Variants in CDKAL1 observed in about 807,000 individuals in gnomAD.
CDKAL1 encodes CDKAL1 threonylcarbamoyladenosine tRNA methylthiotransferase, also known as threonylcarbamoyladenosine tRNA methylthiotransferase.
A neutral mutation model predicts 68.2 loss-of-function variants in CDKAL1; 32 were observed. The ratio of observed to expected loss-of-function variants is 0.47; its 90% confidence interval spans 0.35 to 0.63. CDKAL1 has a LOEUF of 0.63. CDKAL1 is among the 30% of genes least tolerant of loss of function. The pLI is 0.00. For missense variants in CDKAL1, 606 were observed against 696.7 expected, an observed-to-expected ratio of 0.87 and a Z score of 1.47; for synonymous variants, 234 against 244.3, an observed-to-expected ratio of 0.96 and a Z score of 0.39.
chr6:20,883,377 G>T (rs1225224652), intron 9 of CDKAL1, among the ~76,000 whole-genome samples: 5 of 152,144 alleles, frequency 3.3e-5, no homozygotes, highest in African/African-American at 9.7e-5. Context: ...CCTAAAAATG[G>T]TTCCCAATAT....
rs140766239 is a variant in CDKAL1, at chr6:20,936,923, T to C, written c.743-18496T>C. Among the ~76,000 whole-genome samples, 844 of 152,326 alleles carry C rather than the reference T, an allele frequency of 5.5e-3. 4 individuals are homozygous for C. The highest frequency in any genetic ancestry group is 0.019 in the African/African-American group (791 of 41,576). ...CCTGAAGCTCCTAGAGTCTGTTGGT[T>C]ACCAGAGGTTTCACGTATTCTGAGT... is the stretch of plus-strand genomic sequence containing the variant. On this transcript the variant is annotated intron_variant, in intron 9 of 15. Coordinates refer to ENST00000274695, the MANE Select transcript of CDKAL1 (RefSeq NM_017774.3).
intron 4 of CDKAL1, among the ~76,000 whole-genome samples, chr6:20,612,602 T>C (rs981764889): frequency 1.3e-5 from 2 of 152,170 alleles, no homozygotes; most frequent in African/African-American, 4.8e-5. Context: ...AATTAGATTT[T>C]TTTTTTGCTG....
intron 5 of CDKAL1, among the ~76,000 whole-genome samples, chr6:20,662,873 A>G (rs1769353335): frequency 1.3e-5 from 2 of 152,162 alleles, no homozygotes; most frequent in African/African-American, 4.8e-5. Flanking sequence ...TGCATGTCAT[A>G]GAAAACCTAA....
chr6:21,226,085 C>T (rs958717247), intron 15 of CDKAL1, among the ~76,000 whole-genome samples: 1 of 152,234 alleles, frequency 6.6e-6, no homozygotes, highest in African/African-American at 2.4e-5. Context: ...CGAGGACTTA[C>T]TGCTCCTAGA....
chr6:21,069,192 G>T (rs1473122117), intron 12 of CDKAL1, among the ~76,000 whole-genome samples: 2 of 152,058 alleles, frequency 1.3e-5, no homozygotes, highest in South Asian at 2.1e-4. Context: ...TGGCAAGAAT[G>T]TTCAGTACAC....
At chr6:20,935,653 C>T (rs1377485224) in intron 9 of CDKAL1, among the ~76,000 whole-genome samples, 1 of 152,086 alleles carries the variant, frequency 6.6e-6, no homozygotes, top group East Asian at 1.9e-4. Context: ...TGGTCTCGAA[C>T]TCCTGACCTC....
intron 9 of CDKAL1, among the ~76,000 whole-genome samples, chr6:20,923,786 T>A (rs528637882): frequency 4.6e-5 from 7 of 152,210 alleles, no homozygotes; most frequent in Middle Eastern, 3.4e-3. Context: ...CTGAGGTGGG[T>A]GGATTGCTTG....
chr6:20,894,391 CTTTTTTTTTT>C (rs5874793), intron 9 of CDKAL1, among the ~76,000 whole-genome samples: 1 of 124,092 alleles, frequency 8.1e-6, no homozygotes, highest in Admixed American at 8.4e-5. Flanking sequence ...ACCCCACATA[CTTTTTTTTTT>C]TTTTTTTTTG....
intron 11 of CDKAL1, among the ~76,000 whole-genome samples, chr6:21,024,144 C>CT (rs56141172): frequency 0.11 from 16,250 of 152,204 alleles, 977 homozygotes; most frequent in Middle Eastern, 0.16. Flanking sequence ...TTAGGTTACA[C>CT]TTACTATTAT....
At chr6:20,790,804 TTC>T (rs1352284049) in intron 8 of CDKAL1, among the ~76,000 whole-genome samples, 1 of 152,078 alleles carries the variant, frequency 6.6e-6, no homozygotes, top group Non-Finnish European at 1.5e-5. Flanking sequence ...GTTGGGTGGT[TTC>T]TCTCTCTCTG....
intron 5 of CDKAL1, among the ~76,000 whole-genome samples, chr6:20,729,696 C>T (rs146283760): frequency 6.6e-6 from 1 of 152,284 alleles, no homozygotes; most frequent in Non-Finnish European, 1.5e-5. Flanking sequence ...TTAAGTAATT[C>T]CCCTATGGTT....
chr6:21,130,739 G>A (rs985498841), intron 13 of CDKAL1, among the ~76,000 whole-genome samples: 3 of 152,152 alleles, frequency 2.0e-5, no homozygotes, highest in African/African-American at 7.2e-5. Context: ...CTGGTGGAAA[G>A]CCACAGTAGA....
chr6:21,176,126 T>C (rs1176169344), intron 13 of CDKAL1, among the ~76,000 whole-genome samples: 2 of 152,248 alleles, frequency 1.3e-5, no homozygotes, highest in African/African-American at 4.8e-5. Context: ...ACTATAGTTA[T>C]TTGTTAAGTG....
chr6:20,567,300 AAT>A (rs1387467916), intron 4 of CDKAL1, among the ~76,000 whole-genome samples: 1 of 151,722 alleles, frequency 6.6e-6, no homozygotes, highest in Non-Finnish European at 1.5e-5. Context: ...TTCTCTCTAA[AAT>A]GGTTTATGGA....
chr6:21,084,997 G>A (rs775635077), intron 12 of CDKAL1, among the ~76,000 whole-genome samples: 4 of 152,148 alleles, frequency 2.6e-5, no homozygotes, highest in Non-Finnish European at 5.9e-5. Context: ...GGGTTGAAAA[G>A]GTTATTCATA....
chr6:21,114,118 G>A (rs1260040323), intron 13 of CDKAL1, among the ~76,000 whole-genome samples: 5 of 151,460 alleles, frequency 3.3e-5, no homozygotes, highest in Non-Finnish European at 7.4e-5. Flanking sequence ...CGTGGTGGCC[G>A]GCGCCTGTAG....
chr6:20,842,793 T>C, intron 8 of CDKAL1, among the ~76,000 whole-genome samples: 1 of 152,174 alleles, frequency 6.6e-6, no homozygotes, highest in East Asian at 1.9e-4. Flanking sequence ...ATCACGACAT[T>C]GCACTTCAGT....
At chr6:20,719,383 G>A (rs909661488) in intron 5 of CDKAL1, among the ~76,000 whole-genome samples, 5 of 152,114 alleles carry the variant, frequency 3.3e-5, no homozygotes, top group Admixed American at 3.3e-4. Context: ...TTCTGATAAG[G>A]ATGGTCAGAG....
chr6:21,174,700 C>G (rs1171280966), intron 13 of CDKAL1, among the ~76,000 whole-genome samples: 4 of 151,140 alleles, frequency 2.6e-5, no homozygotes, highest in Non-Finnish European at 4.4e-5. Context: ...AATAAAAAAA[C>G]ACATTGATAA....
Sources: gnomAD v4.1 joint callset for allele counts (sites outside exome capture counted in the v4.1 genomes callset) on GRCh38, gnomAD v4.1.1 for gene constraint, MANE v1.5 for transcripts, NCBI Gene and HGNC (gene_info 2026-07-23, HGNC 2026-07-21) for gene names.